Variants in HEATR4 observed in about 807,000 individuals in gnomAD.
HEATR4 encodes HEAT repeat containing 4.
Under a neutral mutation model 108.8 loss-of-function variants are expected in HEATR4, and 95 were observed. The ratio of observed to expected loss-of-function variants is 0.87; its 90% CI spans 0.74 to 1.04. HEATR4 has a LOEUF of 1.04. HEATR4 is among the 50% of genes least tolerant of loss of function. HEATR4 has a pLI of 0.00. For synonymous variants in HEATR4, 443 were observed against 459.4 expected, an observed-to-expected ratio of 0.96 and a Z score of 0.46; for missense variants, 1,152 against 1,253.8, an observed-to-expected ratio of 0.92 and a Z score of 1.23.
the HEATR4 span, among the ~76,000 whole-genome samples, chr14:73,607,566 T>C: frequency 2.7e-5 from 4 of 149,556 alleles, no homozygotes; most frequent in Non-Finnish European, 5.9e-5. Flanking sequence ...TTGTTACTTA[T>C]GCAAGTCTCT....
In HEATR4 at chr14:73,558,562, C is replaced by T. The variant is rs113714059; in HGVS notation, c.-152+189G>A. Reference sequence around the variant, plus strand: ...GTAGAGATAGAGTCTCACTATGTTGCTCAGGCTGGTCTTGAACTCCTGGAC... The same window carrying T: ...GTAGAGATAGAGTCTCACTATGTTGTTCAGGCTGGTCTTGAACTCCTGGAC... On this transcript the variant is annotated intron_variant, in intron 1 of 17. Transcript: ENST00000553558. Among the ~76,000 whole-genome samples the T allele has an allele frequency of 4.7e-3, 629 of 133,614 alleles. 3 individuals are homozygous for T. The highest frequency in any genetic ancestry group is 0.014 in the South Asian group (54 of 3,932). The allele number at this position is 133,614 out of a possible 152,430, so 87.7% of individuals were successfully genotyped here.
chr14:73,492,539 G>A lies in HEATR4; in HGVS notation c.2844+527C>T, dbSNP rs775552159. ...CCAGCGAGCCAAAGACTTCATTCAC[G>A]ATTCTCTGCCCCCTGTTTTGACTGA... On this transcript the variant is annotated intron_variant, in intron 17 of 17. Coordinates refer to ENST00000553558, the MANE Select transcript of HEATR4 (RefSeq NM_001220484.1). This position sits in a 1 kb window ranked among gnomAD's most constrained non-coding sequence, Gnocchi z 4.9. The A allele has an allele frequency of 1.2e-5, 20 of 1,613,682 alleles. No individual in the cohort carries two copies. In the South Asian group the frequency reaches 2.2e-4, roughly 18 times the overall value.
At chr14:73,626,904 G>A in the HEATR4 span, among the ~76,000 whole-genome samples, 4,688 of 142,670 alleles carry the variant, frequency 0.033, 151 homozygotes, top group African/African-American at 0.079. Flanking sequence ...TGATTCTCCT[G>A]CCTTAGCCCC....
At chr14:73,530,121 C>T (rs1566846179) in intron 2 of HEATR4, 45 bp downstream of exon 2, 1 of 100,618 alleles carries the variant, frequency 9.9e-6, no homozygotes, top group Non-Finnish European at 2.2e-5. Flanking sequence ...CACCACCATG[C>T]CTGGCTAATG....
chr14:73,478,561 C>G lies in HEATR4; in HGVS notation c.*45G>C, dbSNP rs200408826. On this transcript the variant is annotated 3_prime_UTR_variant, in exon 18 of 18. Transcript: ENST00000553558. ...ATCAATTAAAAAGACCCAATGTGACCAGGTCCACTGCTTCCTGCATCTTGA... is the reference window on the plus strand; with the variant it reads ...ATCAATTAAAAAGACCCAATGTGACGAGGTCCACTGCTTCCTGCATCTTGA... 7.3e-5 allele frequency: 94 copies of G among 1,283,214 alleles called. No individual in the cohort carries two copies. The East Asian group carries it at 2.1e-3, about 28-fold the overall frequency. 79.5% of individuals were successfully genotyped at this position (1,283,214 alleles called of 1,614,324 possible). A position where few individuals can be genotyped will look rare whatever the true frequency, so the allele number is the denominator to read the frequency against.
the HEATR4 span, among the ~76,000 whole-genome samples, chr14:73,615,406 A>AC: frequency 2.8e-5 from 2 of 70,298 alleles, no homozygotes; most frequent in African/African-American, 9.7e-5. Flanking sequence ...AAAAAAAAAA[A>AC]ACAAAAAACA....
At chr14:73,538,694 C>A (rs1888966313) in intron 1 of HEATR4, among the ~76,000 whole-genome samples, 1 of 103,826 alleles carries the variant, frequency 9.6e-6, no homozygotes, top group Non-Finnish European at 2.1e-5. Flanking sequence ...ACAAAAAAAA[C>A]AGGCCGGACG....
chr14:73,496,562 C>T (rs1411157242), intron 15 of HEATR4, 39 bp downstream of exon 15: 1 of 1,315,952 alleles, frequency 7.6e-7, no homozygotes, highest in South Asian at 1.2e-5. Context: ...CTTGAGAGTC[C>T]TGAATTTTCT....
intron 16 of HEATR4, among the ~76,000 whole-genome samples, chr14:73,493,552 T>C (rs1009450055): frequency 2.6e-5 from 4 of 152,006 alleles, no homozygotes; most frequent in African/African-American, 9.7e-5. Flanking sequence ...AGGAAGAGAC[T>C]CTCAGGCTGG....
upstream of HEATR4, among the ~76,000 whole-genome samples, chr14:73,559,685 T>A (rs1466062530): frequency 6.6e-6 from 1 of 152,004 alleles, no homozygotes; most frequent in Non-Finnish European, 1.5e-5. Flanking sequence ...GAGGTTGCAG[T>A]GAGCCAAGAT....
intron 17 of HEATR4, among the ~76,000 whole-genome samples, chr14:73,487,111 A>C (rs1417553253): frequency 2.0e-5 from 3 of 148,166 alleles, no homozygotes; most frequent in African/African-American, 7.4e-5. Context: ...ACTAAAAATA[A>C]TAATAATAAT....
At chr14:73,524,395 G>A (rs1439647823) in intron 2 of HEATR4, among the ~76,000 whole-genome samples, 1 of 145,794 alleles carries the variant, frequency 6.9e-6, no homozygotes, top group Non-Finnish European at 1.5e-5. Flanking sequence ...ATGAATTATT[G>A]GATGGGTTGT....
At chr14:73,592,266 G>A in the HEATR4 span, 2 of 1,613,194 alleles carry the variant, frequency 1.2e-6, no homozygotes, top group African/African-American at 1.3e-5. Flanking sequence ...GATTCCTTTT[G>A]TCGTGGAGTT....
At chr14:73,503,967 G>A (rs899824002) in intron 10 of HEATR4, among the ~76,000 whole-genome samples, 6 of 152,058 alleles carry the variant, frequency 3.9e-5, no homozygotes, top group African/African-American at 1.4e-4. Context: ...TCAATTCTAA[G>A]TGACAAGTGC....
the HEATR4 span, chr14:73,595,188 A>G: frequency 3.1e-6 from 5 of 1,614,112 alleles, no homozygotes; most frequent in African/African-American, 2.7e-5. Flanking sequence ...GCCATCAACT[A>G]TAAGCACAGT....
At chr14:73,502,617 T>G (rs1886543186) in intron 11 of HEATR4, among the ~76,000 whole-genome samples, 1 of 151,994 alleles carries the variant, frequency 6.6e-6, no homozygotes, top group Non-Finnish European at 1.5e-5. Context: ...GCGCGATCTC[T>G]GCTCACTGCA....
chr14:73,576,290 G>C, the HEATR4 span, among the ~76,000 whole-genome samples: 2 of 152,018 alleles, frequency 1.3e-5, no homozygotes, highest in South Asian at 4.2e-4. Context: ...CCTATAAACT[G>C]ATTACTAGTT....
Position 73,549,187 on chromosome 14 carries a change from GT to G in HEATR4, c.-152+9563del, listed in dbSNP as rs1410810449. ...AGAGCAAGGCAGCTCTCTTCAACCT[GT>G]TTTATAAGGGCACCAATCCCATTAA... On this transcript the variant is annotated intron_variant, in intron 1 of 17. Transcript: ENST00000553558. Among the ~76,000 whole-genome samples the G allele has an allele frequency of 1.3e-4, 15 of 113,456 alleles. 4 individuals carry two copies. The highest frequency in any genetic ancestry group is 2.5e-4 in the Non-Finnish European group (13 of 52,142). 74.4% of individuals were successfully genotyped at this position (113,456 alleles called of 152,430 possible).
the HEATR4 span, among the ~76,000 whole-genome samples, chr14:73,598,231 A>AC: frequency 1.4e-5 from 2 of 147,028 alleles, no homozygotes; most frequent in East Asian, 2.0e-4. Flanking sequence ...AAAAAAAAAA[A>AC]AAAAAAAACA....
Sources: gnomAD v4.1 joint callset for allele counts (sites outside exome capture counted in the v4.1 genomes callset) on GRCh38, gnomAD v4.1.1 for gene constraint, Gnocchi (gnomAD v3.1) non-coding constraint, MANE v1.5 for transcripts, NCBI Gene and HGNC (gene_info 2026-07-23, HGNC 2026-07-21) for gene names.